OPA1: variants seen among roughly 807,000 people sequenced by gnomAD.
OPA1 encodes the protein OPA1 mitochondrial dynamin like GTPase.
Under a neutral mutation model 152.9 loss-of-function variants are expected in OPA1, and 59 were observed. That is an observed-to-expected ratio of 0.39 (90% CI 0.31 to 0.48). OPA1 has a LOEUF of 0.48. Ranked by LOEUF, OPA1 falls within the 20% of genes least tolerant of loss-of-function variation. The probability of loss-of-function intolerance (pLI) is 0.96; values close to 1 mark genes in which losing one functional copy is unlikely to be tolerated. For missense variants in OPA1, 1,008 were observed against 1,216.8 expected (o/e 0.83, Z 2.55); for synonymous variants, 400 against 389.9 (o/e 1.03, Z -0.31).
chr3:193,621,664 A>G (rs1316173044), intron 6 of OPA1, among the ~76,000 whole-genome samples: 1 of 152,194 alleles, frequency 6.6e-6, no homozygotes, highest in African/African-American at 2.4e-5. Context: ...ACCTTACACT[A>G]CTATCTTGAG....
chr3:193,600,958 G>T (rs1174227199), intron 1 of OPA1, among the ~76,000 whole-genome samples: 3 of 152,084 alleles, frequency 2.0e-5, no homozygotes, highest in African/African-American at 7.2e-5. Flanking sequence ...ACAGAATCAG[G>T]GGAGGGATTA....
At chr3:193,609,370 C>T (rs1403450151) in intron 1 of OPA1, among the ~76,000 whole-genome samples, 1 of 152,218 alleles carries the variant, frequency 6.6e-6, no homozygotes, top group African/African-American at 2.4e-5. Context: ...TTGGCCTCCA[C>T]TCTCTTCTGG....
intron 8 of OPA1, among the ~76,000 whole-genome samples, chr3:193,634,575 G>T (rs747535044): frequency 2.0e-5 from 3 of 151,910 alleles, no homozygotes; most frequent in African/African-American, 7.3e-5. Context: ...CCGCCACGAC[G>T]CCTGGCTAAT....
At chr3:193,597,181 C>G (rs1296152404) in intron 1 of OPA1, among the ~76,000 whole-genome samples, 2 of 151,986 alleles carry the variant, frequency 1.3e-5, no homozygotes, top group African/African-American at 2.4e-5. Flanking sequence ...TTGATGAGTT[C>G]CCAACATTTC....
In OPA1 at chr3:193,659,549, G is replaced by T; in HGVS notation, c.2508G>T (p.Arg836=). ...AGAGGTGGTTATACTGGAAGAATCG[G>T]ACCCAAGAACAGGTAGAAATAAACA... ...WKKRWLYWKN[R]TQEQCVHNET... is the part of the protein sequence containing the mutation. Residue 836 remains arginine, a synonymous_variant, in exon 25 of 31, where the codon CGG becomes CGT. Coordinates refer to ENST00000361510, the MANE Select transcript of OPA1 (RefSeq NM_130837.3). The T allele has an allele frequency of 6.2e-7, 1 of 1,611,240 alleles. No individual in the cohort carries two copies. The highest frequency in any genetic ancestry group is 8.5e-7 in the Non-Finnish European group (1 of 1,178,288).
intron 6 of OPA1, among the ~76,000 whole-genome samples, chr3:193,621,449 G>A (rs986470052): frequency 2.0e-5 from 3 of 152,188 alleles, no homozygotes; most frequent in Non-Finnish European, 4.4e-5. Context: ...TTATAATACC[G>A]GTCTTCAAAA....
chr3:193,678,101 A>G (rs1719487303), intron 29 of OPA1, among the ~76,000 whole-genome samples: 1 of 152,232 alleles, frequency 6.6e-6, no homozygotes, highest in African/African-American at 2.4e-5. Flanking sequence ...TTCTCTTAGA[A>G]CAGCTCATTC....
chr3:193,691,485 G>T (rs184522477), intron 29 of OPA1: 1 of 152,058 alleles, frequency 6.6e-6, no homozygotes, highest in Non-Finnish European at 1.5e-5. Flanking sequence ...TAGCACCATT[G>T]CACTTCTCAT....
rs760710808 is a variant in OPA1 at position 193,614,852 on chromosome 3, A to G, written c.162A>G (p.Gln54=). ...CTACCTTAAAGCTTCAACGACCCCA[A>G]TTAAGGACATCCTTTCAGCAGTTCT... ...HHPTLKLQRP[Q]LRTSFQQFSS... The change falls in exon 2 of 31, where the codon CAA becomes CAG. Residue 54 remains glutamine, a synonymous_variant. Transcript: ENST00000361510. 3 of 1,614,140 alleles carry G rather than the reference A, an allele frequency of 1.9e-6. No individual in the cohort carries two copies. The highest frequency in any genetic ancestry group is 2.2e-5 in the East Asian group (1 of 44,878).
chr3:193,600,040 T>C (rs1250735955), intron 1 of OPA1, among the ~76,000 whole-genome samples: 4 of 152,214 alleles, frequency 2.6e-5, no homozygotes, highest in African/African-American at 9.7e-5. Context: ...TTATTACAGA[T>C]GCATACTACT....
At chr3:193,635,053 C>T (rs567803466) in intron 8 of OPA1, among the ~76,000 whole-genome samples, 30 of 152,182 alleles carry the variant, frequency 2.0e-4, no homozygotes, top group African/African-American at 7.0e-4. Flanking sequence ...TTAAGTGGCC[C>T]TGTAATGTGA....
chr3:193,602,947 A>G (rs7619129), intron 1 of OPA1, among the ~76,000 whole-genome samples: 65,362 of 152,096 alleles, frequency 0.43, 14,309 homozygotes, highest in Non-Finnish European at 0.44. Flanking sequence ...TTACAAGAAC[A>G]TACTGATACC....
rs1174212314 is a variant in OPA1, at chr3:193,625,931, G to A, written c.679-161G>A. 1.1e-5 allele frequency: 7 copies of A among 646,634 alleles called. 1 individual carries two copies. Among genetic ancestry groups the A allele is most frequent in the Non-Finnish European group, 2.0e-5 (7 of 351,230 alleles). The allele number at this position is 646,634 out of a possible 1,614,324, so 40.1% of individuals were successfully genotyped here. On this transcript the variant is annotated intron_variant, in intron 6 of 30. Transcript: ENST00000361510. ...ATTTACTGAGGAGGAAAATGGAAATGCGGTACAGAGCCCAAGGGTATGACG... is the reference window on the plus strand; with the variant it reads ...ATTTACTGAGGAGGAAAATGGAAATACGGTACAGAGCCCAAGGGTATGACG...
chr3:193,632,408 G>C (rs1042414490), intron 8 of OPA1, among the ~76,000 whole-genome samples: 18 of 152,274 alleles, frequency 1.2e-4, no homozygotes, highest in African/African-American at 3.8e-4. Context: ...GTGAACCCAG[G>C]AGGCGGAGCT....
intron 7 of OPA1, 63 bp downstream of exon 7, chr3:193,626,265 C>T (rs1037478641): frequency 4.5e-6 from 5 of 1,117,522 alleles, no homozygotes; most frequent in Middle Eastern, 3.8e-4. Context: ...CTGCCAAGAT[C>T]ATGTCACCTC....
intron 23 of OPA1, 147 bp downstream of exon 23, chr3:193,657,379 T>G (rs1442776376): frequency 3.9e-6 from 3 of 765,390 alleles, no homozygotes; most frequent in Non-Finnish European, 6.3e-6. Flanking sequence ...ATCTGTAATC[T>G]GCCCTTTAAT....
chr3:193,621,633 T>A (rs1428800467), intron 6 of OPA1, among the ~76,000 whole-genome samples: 1 of 152,136 alleles, frequency 6.6e-6, no homozygotes, highest in African/African-American at 2.4e-5. Flanking sequence ...TTGAAAAAAA[T>A]AGTAAAACCA....
chr3:193,657,504 G>C (rs1169559925), intron 23 of OPA1, among the ~76,000 whole-genome samples: 1 of 152,120 alleles, frequency 6.6e-6, no homozygotes, highest in Admixed American at 6.5e-5. Flanking sequence ...ATTGTCATCT[G>C]TTAGCCATTT....
At chr3:193,617,962 C>T (rs931691794) in intron 5 of OPA1, 125 bp downstream of exon 5, 1 of 706,862 alleles carries the variant, frequency 1.4e-6, no homozygotes, top group East Asian at 2.7e-5. Context: ...AACCCCAGAA[C>T]TATATTAGGC....
Sources: allele counts gnomAD v4.1 joint callset (sites outside exome capture counted in the v4.1 genomes callset), GRCh38; gene constraint gnomAD v4.1.1; transcripts MANE v1.5; gene names NCBI Gene and HGNC (gene_info 2026-07-23, HGNC 2026-07-21).